GOLGA3: variants seen among roughly 807,000 people sequenced by gnomAD.
The protein encoded by GOLGA3 is golgin subfamily A member 3.
A neutral mutation model predicts 169.4 loss-of-function variants in GOLGA3; 75 were observed. That is an observed-to-expected ratio of 0.44 (90% CI 0.37 to 0.54). The LOEUF (loss-of-function observed/expected upper bound fraction) is 0.54, where lower values mean the gene tolerates loss of function less well. Ranked by LOEUF, GOLGA3 falls within the 20% of genes least tolerant of loss-of-function variation. The pLI, the probability that GOLGA3 is intolerant of heterozygous loss-of-function variation, is 0.00. For synonymous variants in GOLGA3, 824 were observed against 822.4 expected, an observed-to-expected ratio of 1.00 and a Z score of -0.03; for missense variants, 1,899 against 1,930.0, an observed-to-expected ratio of 0.98 and a Z score of 0.30.
At chr12:132,786,633 C>G in intron 14 of GOLGA3, 60 bp downstream of exon 14, 1 of 1,051,614 alleles carries the variant, frequency 9.5e-7, no homozygotes, top group Non-Finnish European at 1.3e-6. Flanking sequence ...TTCGCCTCCC[C>G]CCCGGCCCCC....
chr12:132,809,246 C>T (rs1455225236), intron 4 of GOLGA3, among the ~76,000 whole-genome samples: 1 of 152,200 alleles, frequency 6.6e-6, no homozygotes, highest in African/African-American at 2.4e-5. Context: ...AAGGCAGAGC[C>T]AGGTATACAG....
chr12:132,795,197 A>G (rs1385994852), intron 11 of GOLGA3, among the ~76,000 whole-genome samples: 4 of 151,840 alleles, frequency 2.6e-5, no homozygotes, highest in Non-Finnish European at 4.4e-5. Context: ...AAAAAAAAAA[A>G]AAAGAAAAAA....
chr12:132,776,701 T>C lies in GOLGA3; in HGVS notation c.3911A>G (p.Lys1304Arg). The C allele has an allele frequency of 6.2e-7, 1 of 1,614,134 alleles. No homozygotes were observed. ...CTGCTCCGTCAAGTCCAGCTGCTGC[T>C]TCAAGGACTGGATTTCTCTTTCTTT... The part of the protein sequence containing the change: ...DQKEREIQSL[K>R]QQLDLTEQQG... Residue 1304 changes from lysine to arginine, a missense_variant, in exon 21 of 24, where the codon AAG (lysine) becomes AGG (arginine). Lys to Arg is a conservative substitution (Grantham distance 26). Transcript: ENST00000450791.
Position 132,796,689 on chromosome 12 carries a change from C to T in GOLGA3, c.1950G>A (p.Leu650=). 1 of 1,613,846 alleles carries T rather than the reference C, an allele frequency of 6.2e-7. No homozygotes were observed. ...AQLQGIEADM[L]DQEAAFMQIQ... ...TCTGCATGAAGGCTGCTTCCTGATC[C>T]AACATGTCAGCCTGAGCCCAGGAAA... Residue 650 remains leucine, a synonymous_variant, in exon 10 of 24, where the codon TTG becomes TTA. Transcript: ENST00000450791.
chr12:132,784,197 C>T lies in GOLGA3; in HGVS notation c.3234G>A (p.Glu1078=), dbSNP rs1488488640. ...VIALTSQELE[E]SREKVLELED... ...CCAGCTCCAGCACCTTCTCCCGGGA[C>T]TCCTCCAGCTCCTGGCTGGTCAGCG... The change falls in exon 16 of 24, where the codon GAG becomes GAA. Residue 1078 remains glutamate, a synonymous_variant. Coordinates refer to ENST00000450791, the MANE Select transcript of GOLGA3 (RefSeq NM_001389683.1). 1 of 1,610,090 alleles carries T rather than the reference C, an allele frequency of 6.2e-7. No homozygotes were observed. Among genetic ancestry groups the T allele is most frequent in the Admixed American group, 1.7e-5 (1 of 60,026 alleles).
chr12:132,826,522 A>G (rs1950422671), intron 1 of GOLGA3, among the ~76,000 whole-genome samples: 1 of 151,544 alleles, frequency 6.6e-6, no homozygotes, highest in South Asian at 2.1e-4. Flanking sequence ...CACCGAGCTG[A>G]GTCCAGTGCA....
chr12:132,774,443 C>T lies in GOLGA3; in HGVS notation c.4144-123G>A, dbSNP rs531861012. On this transcript the variant is annotated intron_variant, in intron 22 of 23. Coordinates refer to ENST00000450791, the MANE Select transcript of GOLGA3 (RefSeq NM_001389683.1). ...GACGTGGGGCCTCTGGGAAGGGGAC[C>T]GTCCTGGCCGCCGTGGCAGCCCAGC... 5.7e-4 allele frequency: 625 copies of T among 1,093,564 alleles called. 4 individuals carry two copies. Among genetic ancestry groups the T allele is most frequent in the South Asian group, 1.2e-3 (87 of 72,146 alleles). 67.7% of individuals were successfully genotyped at this position (1,093,564 alleles called of 1,614,324 possible).
intron 12 of GOLGA3, among the ~76,000 whole-genome samples, chr12:132,790,775 C>T (rs1307837370): frequency 4.0e-5 from 6 of 151,826 alleles, no homozygotes; most frequent in African/African-American, 1.2e-4. Flanking sequence ...GGGCCGGGCG[C>T]GGTGACTCAT....
At chr12:132,826,943 T>C (rs1373895277) in intron 1 of GOLGA3, among the ~76,000 whole-genome samples, 1 of 152,158 alleles carries the variant, frequency 6.6e-6, no homozygotes, top group African/African-American at 2.4e-5. Context: ...CAGTCTCACT[T>C]ATGATCACTC....
chr12:132,786,631 C>G, intron 14 of GOLGA3, 62 bp downstream of exon 14: 1 of 1,041,020 alleles, frequency 9.6e-7, no homozygotes, highest in Non-Finnish European at 1.3e-6. Flanking sequence ...GGTTCGCCTC[C>G]CCCCCGGCCC....
Position 132,773,082 on chromosome 12 carries a change from G to T in GOLGA3, c.*23C>A. 1 of 1,488,574 alleles carries T rather than the reference G, an allele frequency of 6.7e-7. No homozygotes were observed. Among genetic ancestry groups the T allele is most frequent in the Non-Finnish European group, 9.1e-7 (1 of 1,100,476 alleles). 92.2% of individuals were successfully genotyped at this position (1,488,574 alleles called of 1,614,324 possible). On this transcript the variant is annotated 3_prime_UTR_variant, in exon 24 of 24. Coordinates refer to ENST00000450791, the MANE Select transcript of GOLGA3 (RefSeq NM_001389683.1). ...GATAAGAGCCTTCTGGGGCAGCGGCGCACGGAGGCGAGTCCACAGCAGTCA... is the reference window on the plus strand; with the variant it reads ...GATAAGAGCCTTCTGGGGCAGCGGCTCACGGAGGCGAGTCCACAGCAGTCA...
At position 132,773,309 on chromosome 12, in the gene GOLGA3, G is replaced by A. The variant is rs754701774; in HGVS notation, c.4308-15C>T. On this transcript the variant is annotated splice_polypyrimidine_tract_variant and intron_variant, in intron 23 of 23. Transcript: ENST00000450791. ...CCATCTCCTGCCTGGGACAGAAGAAGGAGGAAGAAGGCCCAGATCACACAA... is the reference window on the plus strand; with the variant it reads ...CCATCTCCTGCCTGGGACAGAAGAAAGAGGAAGAAGGCCCAGATCACACAA... The A allele has an allele frequency of 6.6e-6, 9 of 1,357,908 alleles. No individual in the cohort carries two copies. The South Asian group carries it at 9.7e-5, about 15-fold the overall frequency. The allele number at this position is 1,357,908 out of a possible 1,614,324, so 84.1% of individuals were successfully genotyped here. A position where few individuals can be genotyped will look rare whatever the true frequency, so the allele number is the denominator to read the frequency against.
At chr12:132,779,070 T>G (rs554502736) in intron 18 of GOLGA3, among the ~76,000 whole-genome samples, 2 of 152,206 alleles carry the variant, frequency 1.3e-5, no homozygotes, top group East Asian at 3.9e-4. Context: ...CTGCTCCTGT[T>G]AAAATATTCC....
intron 11 of GOLGA3, among the ~76,000 whole-genome samples, chr12:132,792,236 T>G (rs913792683): frequency 5.9e-5 from 9 of 152,108 alleles, no homozygotes; most frequent in African/African-American, 1.4e-4. Context: ...GAAGGCACAG[T>G]GAGTGGCAGG....
chr12:132,819,602 C>T (rs117980834), intron 2 of GOLGA3, among the ~76,000 whole-genome samples: 4,043 of 152,312 alleles, frequency 0.027, 140 homozygotes, highest in Admixed American at 0.1. Flanking sequence ...TCATGCCTCC[C>T]GAAAGAAAAA....
chr12:132,799,160 C>T (rs1949014596), intron 8 of GOLGA3, among the ~76,000 whole-genome samples: 1 of 152,224 alleles, frequency 6.6e-6, no homozygotes, highest in African/African-American at 2.4e-5. Flanking sequence ...CGCTCCAGGA[C>T]CTCAGGAGAA....
At chr12:132,789,348 T>A in intron 12 of GOLGA3, 58 bp from the exon 13 acceptor site, 2 of 1,453,672 alleles carry the variant, frequency 1.4e-6, no homozygotes, top group South Asian at 1.4e-5. Flanking sequence ...GGGGCGTACC[T>A]GGGGGTCAAG....
chr12:132,823,954 G>A (rs1233987836), intron 1 of GOLGA3, among the ~76,000 whole-genome samples: 3 of 151,872 alleles, frequency 2.0e-5, no homozygotes, highest in African/African-American at 4.8e-5. Context: ...ATGGCAGCGC[G>A]TGCCTGTAAT....
In GOLGA3 at chr12:132,791,273, C is replaced by G; in HGVS notation, c.2490G>C (p.Glu830Asp). ...GCATTTGCTTTTTCAGAGCAGCAGT[C>G]TCCTGCTGCAGGTGTTCCACCTGTG... ...KSGQVEHLQQ[E>D]TAALKKQMQK... The change falls in exon 12 of 24, where the codon GAG becomes GAC. Residue 830 changes from glutamate (E) to aspartate (D), a missense_variant. Transcript: ENST00000450791. The G allele has an allele frequency of 6.2e-7, 1 of 1,602,252 alleles. No homozygotes were observed. The highest frequency in any genetic ancestry group is 8.5e-7 in the Non-Finnish European group (1 of 1,170,750).
Sources: gnomAD v4.1 joint callset for allele counts (sites outside exome capture counted in the v4.1 genomes callset) on GRCh38, gnomAD v4.1.1 for gene constraint, MANE v1.5 for transcripts, NCBI Gene and HGNC (gene_info 2026-07-23, HGNC 2026-07-21) for gene names.